Variants in LUZP2 observed in about 807,000 individuals in gnomAD.
LUZP2 encodes the protein leucine zipper protein 2.
LUZP2 carries 52 observed loss-of-function variants against 51.6 expected under a neutral mutation model. That is an observed-to-expected ratio of 1.01 (90% CI 0.81 to 1.27). LUZP2 has a LOEUF of 1.27. Among genes scored for constraint, LUZP2 ranks in the 50% most tolerant of loss-of-function variants. LUZP2 has a pLI of 0.00. For synonymous variants in LUZP2, 154 were observed against 137.3 expected, an observed-to-expected ratio of 1.12 and a Z score of -0.85; for missense variants, 436 against 395.4, an observed-to-expected ratio of 1.10 and a Z score of -0.87.
rs1565072555 is a variant in LUZP2 at position 24,679,559 on chromosome 11, A to AT, written c.63-49604dup. The stretch of plus-strand genomic sequence containing the variant: ...TACTTTCTATTGCTTCCATTTTAAG[A>AT]TTTTTTAAATTAACTATTTTAAAAA... On this transcript the variant is annotated intron_variant, in intron 1 of 11. Transcript: ENST00000336930. 4.6e-5 allele frequency among the ~76,000 whole-genome samples: 7 copies of AT among 152,066 alleles called. No individual in the cohort carries two copies. The South Asian group carries it at 8.3e-4, about 18-fold the overall frequency.
chr11:25,034,691 T>G (rs572288292), intron 9 of LUZP2, among the ~76,000 whole-genome samples: 2 of 152,244 alleles, frequency 1.3e-5, no homozygotes, highest in African/African-American at 4.8e-5. Context: ...CTTCCCCCAT[T>G]GAAAGTTTGT....
At chr11:24,568,596 C>A (rs1386860236) in intron 1 of LUZP2, among the ~76,000 whole-genome samples, 3 of 150,812 alleles carry the variant, frequency 2.0e-5, no homozygotes, top group Non-Finnish European at 4.4e-5. Context: ...CTGTAATGGG[C>A]AAAAGAAAAT....
chr11:25,036,163 T>A (rs1387396740), intron 9 of LUZP2, among the ~76,000 whole-genome samples: 2 of 152,012 alleles, frequency 1.3e-5, no homozygotes, highest in Non-Finnish European at 2.9e-5. Context: ...GGCTATTCAT[T>A]TATTTAGAGT....
intron 5 of LUZP2, among the ~76,000 whole-genome samples, chr11:24,837,418 G>A (rs1850893367): frequency 6.6e-6 from 1 of 151,546 alleles, no homozygotes; most frequent in Admixed American, 6.6e-5. Flanking sequence ...GAGCCCTCAA[G>A]AAGCTGCAGA....
chr11:24,553,794 T>C (rs910987393), intron 1 of LUZP2, among the ~76,000 whole-genome samples: 2 of 152,160 alleles, frequency 1.3e-5, no homozygotes, highest in Non-Finnish European at 2.9e-5. Context: ...ATTTTTGTAA[T>C]TAAAATTTTA....
At chr11:24,850,779 G>T (rs1851367991) in intron 5 of LUZP2, among the ~76,000 whole-genome samples, 1 of 152,030 alleles carries the variant, frequency 6.6e-6, no homozygotes, top group African/African-American at 2.4e-5. Context: ...ATTTGTTTGT[G>T]TCCTCTCTGA....
intron 1 of LUZP2, among the ~76,000 whole-genome samples, chr11:24,618,795 G>A (rs1854386133): frequency 6.6e-6 from 1 of 151,970 alleles, no homozygotes; most frequent in South Asian, 2.1e-4. Flanking sequence ...GGAGAAACAG[G>A]GACAAGGACC....
At position 24,579,732 on chromosome 11, in the gene LUZP2, T is replaced by C. The variant is rs549309111; in HGVS notation, c.62+82427T>C. ...AGTTAAGTGTCATCTGGAAATGAGT[T>C]GGTAATTTACACAGAATACAAAGAT... On this transcript the variant is annotated intron_variant, in intron 1 of 11. Transcript: ENST00000336930. 5.3e-5 allele frequency among the ~76,000 whole-genome samples: 8 copies of C among 152,208 alleles called. No individual in the cohort carries two copies. The South Asian group carries it at 1.7e-3, about 32-fold the overall frequency.
chr11:24,574,843 G>T (rs1043942899), intron 1 of LUZP2, among the ~76,000 whole-genome samples: 18 of 152,058 alleles, frequency 1.2e-4, no homozygotes, highest in Admixed American at 3.3e-4. Context: ...ACATTGACTA[G>T]ATACTGATAG....
At chr11:24,703,668 C>T (rs1224379249) in intron 1 of LUZP2, among the ~76,000 whole-genome samples, 2 of 144,680 alleles carry the variant, frequency 1.4e-5, no homozygotes, top group Non-Finnish European at 3.0e-5. Context: ...ACTAAAAATA[C>T]AAAAAAAAAA....
chr11:24,864,577 A>G lies in LUZP2; in HGVS notation c.397-41414A>G, dbSNP rs541852439. ...TTCTGTGTGGTGACTCCATTCTCAGACAGGCTGTGTCCGCATGGTGGCAAG... is the reference window on the plus strand; with the variant it reads ...TTCTGTGTGGTGACTCCATTCTCAGGCAGGCTGTGTCCGCATGGTGGCAAG... On this transcript the variant is annotated intron_variant, in intron 5 of 11. Coordinates refer to ENST00000336930, the MANE Select transcript of LUZP2 (RefSeq NM_001009909.4). Among the ~76,000 whole-genome samples, 6 of 152,276 alleles carry G rather than the reference A, an allele frequency of 3.9e-5. No homozygotes were observed. The South Asian group carries it at 1.2e-3, about 32-fold the overall frequency.
intron 1 of LUZP2, among the ~76,000 whole-genome samples, chr11:24,653,032 G>A (rs1855677846): frequency 6.6e-6 from 1 of 152,176 alleles, no homozygotes; most frequent in African/African-American, 2.4e-5. Context: ...AATGGTAGTA[G>A]TAGTGGTGGG....
chr11:24,863,544 G>C (rs753815826), intron 5 of LUZP2, among the ~76,000 whole-genome samples: 3 of 151,874 alleles, frequency 2.0e-5, no homozygotes, highest in Non-Finnish European at 4.4e-5. Context: ...CCAAATACTG[G>C]GGGGAAGGGG....
At chr11:24,805,793 A>C (rs1328634886) in intron 5 of LUZP2, among the ~76,000 whole-genome samples, 3 of 152,196 alleles carry the variant, frequency 2.0e-5, no homozygotes, top group African/African-American at 7.2e-5. Context: ...GCATGGCAGC[A>C]GAGTAATGGA....
chr11:24,730,957 T>C (rs1261921862), intron 2 of LUZP2, among the ~76,000 whole-genome samples: 1 of 151,792 alleles, frequency 6.6e-6, no homozygotes, highest in African/African-American at 2.4e-5. Flanking sequence ...ATGATACACT[T>C]TGAACTTTAA....
At chr11:24,951,607 G>T (rs1415173571) in intron 7 of LUZP2, among the ~76,000 whole-genome samples, 1 of 151,320 alleles carries the variant, frequency 6.6e-6, no homozygotes, top group Non-Finnish European at 1.5e-5. Context: ...CGTGGCTTTA[G>T]TCATTATCCT....
At chr11:24,881,344 C>T (rs1386230) in intron 5 of LUZP2, among the ~76,000 whole-genome samples, 63,540 of 150,566 alleles carry the variant, frequency 0.42, 15,370 homozygotes, top group East Asian at 0.65. Context: ...AGAGACAGAA[C>T]ATTCGTCTTA....
intron 4 of LUZP2, among the ~76,000 whole-genome samples, chr11:24,741,918 AC>A (rs1859166971): frequency 5.0e-5 from 1 of 20,042 alleles, no homozygotes; most frequent in South Asian, 2.6e-3. Context: ...TATAATATAT[AC>A]ATTTATATAT....
In LUZP2 at chr11:24,527,567, T is replaced by TCTCACACACACA. The variant is rs796404136; in HGVS notation, c.62+30263_62+30264insTCACACACACAC. On this transcript the variant is annotated intron_variant, in intron 1 of 11. Coordinates refer to ENST00000336930, the MANE Select transcript of LUZP2 (RefSeq NM_001009909.4). Reference sequence around the variant, plus strand: ...AAATAAGAATCTCTCTCTCTCTCTCTCACACACACACACACACACACACAC... The same window carrying TCTCACACACACA: ...AAATAAGAATCTCTCTCTCTCTCTCTCTCACACACACACACACACACACACACACACACACAC... Among the ~76,000 whole-genome samples, 1,261 of 131,572 alleles carry TCTCACACACACA rather than the reference T, an allele frequency of 9.6e-3. 16 individuals carry two copies. Among genetic ancestry groups the TCTCACACACACA allele is most frequent in the African/African-American group, 0.035 (1,221 of 34,966 alleles). 86.3% of individuals were successfully genotyped at this position (131,572 alleles called of 152,430 possible). A position where few individuals can be genotyped will look rare whatever the true frequency, so the allele number is the denominator to read the frequency against.
Sources: gnomAD v4.1 joint callset for allele counts (sites outside exome capture counted in the v4.1 genomes callset) on GRCh38, gnomAD v4.1.1 for gene constraint, MANE v1.5 for transcripts, NCBI Gene and HGNC (gene_info 2026-07-23, HGNC 2026-07-21) for gene names.